IDE: variants seen among roughly 807,000 people sequenced by gnomAD.
IDE encodes insulin degrading enzyme.
Under a neutral mutation model 133.2 loss-of-function variants are expected in IDE, and 58 were observed. The observed-to-expected ratio is 0.44, with a 90% CI of 0.35 to 0.54. IDE has a LOEUF of 0.54. Among genes scored for constraint, IDE ranks in the 20% least tolerant of loss-of-function variants. The probability of loss-of-function intolerance (pLI) is 0.00; values close to 1 mark genes in which losing one functional copy is unlikely to be tolerated. For synonymous variants in IDE, 396 were observed against 421.3 expected, an observed-to-expected ratio of 0.94 and a Z score of 0.73; for missense variants, 981 against 1,234.0, an observed-to-expected ratio of 0.79 and a Z score of 3.07.
At chr10:92,561,457 A>G (rs1225700163) in intron 1 of IDE, among the ~76,000 whole-genome samples, 1 of 150,016 alleles carries the variant, frequency 6.7e-6, no homozygotes, top group Non-Finnish European at 1.5e-5. Flanking sequence ...CAAGGATCAA[A>G]TAAGATGATG....
chr10:92,569,532 CT>C (rs1843693475), intron 1 of IDE, among the ~76,000 whole-genome samples: 1 of 152,092 alleles, frequency 6.6e-6, no homozygotes, highest in Admixed American at 6.5e-5. Context: ...CTCCAAGAAA[CT>C]TTAGGAATCT....
chr10:92,540,084 A>G (rs1317818706), intron 1 of IDE, among the ~76,000 whole-genome samples: 2 of 152,104 alleles, frequency 1.3e-5, no homozygotes, highest in Non-Finnish European at 2.9e-5. Flanking sequence ...TTTACTAAAA[A>G]TACAAGAAAT....
In IDE at chr10:92,505,005, T is replaced by A. The variant is rs553035680; in HGVS notation, c.1327-108A>T. 12 of 569,068 alleles carry A rather than the reference T, an allele frequency of 2.1e-5. No individual in the cohort carries two copies. The African/African-American group carries it at 2.4e-4, about 11-fold the overall frequency. 35.3% of individuals were successfully genotyped at this position (569,068 alleles called of 1,614,324 possible). ...TCATTACTGTACACCCTTTCTCTCT[T>A]CAGTTAAATTTTACTCCATTGGAAA... On this transcript the variant is annotated intron_variant, in intron 10 of 24. Coordinates refer to ENST00000265986, the MANE Select transcript of IDE (RefSeq NM_004969.4).
chr10:92,508,026 TA>T, intron 8 of IDE, 86 bp downstream of exon 8: 1 of 938,178 alleles, frequency 1.1e-6, no homozygotes, highest in South Asian at 1.5e-5. Context: ...GCTTTCAACA[TA>T]AAACAGATCC....
chr10:92,471,418 TAA>T (rs1345787354), intron 17 of IDE, among the ~76,000 whole-genome samples: 1 of 152,214 alleles, frequency 6.6e-6, no homozygotes, highest in Non-Finnish European at 1.5e-5. Context: ...ATCCCCACTT[TAA>T]AGATAGGAAA....
intron 4 of IDE, among the ~76,000 whole-genome samples, chr10:92,528,264 T>G (rs1216590964): frequency 6.6e-6 from 1 of 152,188 alleles, no homozygotes; most frequent in Non-Finnish European, 1.5e-5. Context: ...CCATTAATCA[T>G]GAAGTTTGAC....
At chr10:92,501,785 G>T (rs983265031) in intron 11 of IDE, among the ~76,000 whole-genome samples, 1 of 152,158 alleles carries the variant, frequency 6.6e-6, no homozygotes. Context: ...GACCAGCCTG[G>T]TCAACATGGT....
chr10:92,491,292 T>G (rs1251602824), intron 11 of IDE, among the ~76,000 whole-genome samples: 1 of 151,036 alleles, frequency 6.6e-6, no homozygotes, highest in African/African-American at 2.4e-5. Flanking sequence ...TAGGAGTATC[T>G]CAGGTGCAGA....
chr10:92,559,985 C>T (rs1272998988), intron 1 of IDE, among the ~76,000 whole-genome samples: 1 of 152,122 alleles, frequency 6.6e-6, no homozygotes, highest in Non-Finnish European at 1.5e-5. Context: ...AATCCTCCTG[C>T]CTCAGTCTGG....
At chr10:92,527,211 G>T (rs1849672855) in intron 4 of IDE, among the ~76,000 whole-genome samples, 2 of 152,096 alleles carry the variant, frequency 1.3e-5, no homozygotes, top group South Asian at 4.1e-4. Context: ...TCCTAAGAAA[G>T]AACTATATTT....
intron 11 of IDE, among the ~76,000 whole-genome samples, chr10:92,493,605 G>A (rs1847505342): frequency 6.6e-6 from 1 of 151,720 alleles, no homozygotes; most frequent in South Asian, 2.1e-4. Context: ...AAAAAGGAGG[G>A]GAAAAAGGCA....
At chr10:92,541,598 T>C (rs1179219779) in intron 1 of IDE, among the ~76,000 whole-genome samples, 1 of 152,212 alleles carries the variant, frequency 6.6e-6, no homozygotes, top group African/African-American at 2.4e-5. Flanking sequence ...CTAGGGACAT[T>C]GTCATACACT....
intron 18 of IDE, among the ~76,000 whole-genome samples, chr10:92,469,986 C>A (rs1845881294): frequency 6.6e-6 from 1 of 152,100 alleles, no homozygotes; most frequent in Non-Finnish European, 1.5e-5. Context: ...CCACCCTATA[C>A]AGAGTAGGGA....
chr10:92,510,615 TTA>T (rs1413332387), intron 5 of IDE, among the ~76,000 whole-genome samples: 4 of 151,668 alleles, frequency 2.6e-5, no homozygotes, highest in Non-Finnish European at 4.4e-5. Flanking sequence ...AATGCACATT[TTA>T]TATGTGTGTG....
chr10:92,511,084 T>TA (rs35891632), intron 5 of IDE, among the ~76,000 whole-genome samples: 19,687 of 108,032 alleles, frequency 0.18, 1,855 homozygotes, highest in Non-Finnish European at 0.22. Context: ...AAAGCAGTGT[T>TA]AAAAAAAAAA....
chr10:92,519,780 C>T (rs1849122515), intron 4 of IDE, among the ~76,000 whole-genome samples: 2 of 152,248 alleles, frequency 1.3e-5, no homozygotes, highest in African/African-American at 4.8e-5. Flanking sequence ...AATAAGAGGA[C>T]CAACCTCACA....
rs184115550 is a variant in IDE, at chr10:92,498,389, G to A, written c.1430+6405C>T. On this transcript the variant is annotated intron_variant, in intron 11 of 24. Coordinates refer to ENST00000265986, the MANE Select transcript of IDE (RefSeq NM_004969.4). ...TATAATCCCAGCACTTTGAGAGGAC[G>A]GGGTGGGTGGATCACTTGAGGTCAG... Among the ~76,000 whole-genome samples, 25 of 145,772 alleles carry A rather than the reference G, an allele frequency of 1.7e-4. No homozygotes were observed. The East Asian group carries it at 4.5e-3, about 26-fold the overall frequency.
At chr10:92,523,762 T>C (rs1849361222) in intron 4 of IDE, among the ~76,000 whole-genome samples, 1 of 151,788 alleles carries the variant, frequency 6.6e-6, no homozygotes, top group Non-Finnish European at 1.5e-5. Context: ...TCTATATTCT[T>C]GTCTTCAACT....
At position 92,531,883 on chromosome 10, in the gene IDE, C is replaced by A; in HGVS notation, c.526G>T (p.Glu176Ter). 6.4e-7 allele frequency: 1 copy of A among 1,567,650 alleles called. No individual in the cohort carries two copies. The highest frequency in any genetic ancestry group is 1.2e-5 in the South Asian group (1 of 83,628). ...TTCACCTCTCTGTCTTTGCAACTTT[C>A]ATCGAACAAGGGGCACAGAAAAAAC... Reference protein sequence around the residue: ...AQFFLCPLFDESCKDREVNAV... With the variant: ...AQFFLCPLFD The change falls in exon 4 of 25, where the codon GAA (glutamate) becomes TAA (stop). Residue 176 changes from glutamate to a stop codon, truncating the protein, a stop_gained. Transcript: ENST00000265986. LOFTEE classifies it high-confidence loss of function.
Sources: allele counts gnomAD v4.1 joint callset (sites outside exome capture counted in the v4.1 genomes callset), GRCh38; gene constraint gnomAD v4.1.1; transcripts MANE v1.5; gene names NCBI Gene and HGNC (gene_info 2026-07-23, HGNC 2026-07-21).